PCTP: variants seen among roughly 807,000 people sequenced by gnomAD.
The protein encoded by PCTP is START domain-containing protein 2.
Under a neutral mutation model 31.0 loss-of-function variants are expected in PCTP, and 27 were observed. That is an observed-to-expected ratio of 0.87 (90% CI 0.64 to 1.20). PCTP has a LOEUF of 1.20. Ranked by LOEUF, PCTP falls within the 50% of genes most tolerant of loss-of-function variation. The probability of loss-of-function intolerance (pLI) is 0.00; values close to 1 mark genes in which losing one functional copy is unlikely to be tolerated. For missense variants in PCTP, 287 were observed against 268.2 expected (o/e 1.07, Z -0.49); for synonymous variants, 108 against 101.2 (o/e 1.07, Z -0.40).
the PCTP span, among the ~76,000 whole-genome samples, chr17:55,851,926 C>T: frequency 6.8e-6 from 1 of 147,506 alleles, no homozygotes; most frequent in African/African-American, 2.7e-5. Flanking sequence ...GAGGAGGCTA[C>T]AATCCTGAAG....
intron 5 of PCTP, among the ~76,000 whole-genome samples, chr17:55,837,229 G>A (rs919813639): frequency 6.6e-6 from 1 of 152,206 alleles, no homozygotes; most frequent in Non-Finnish European, 1.5e-5. Context: ...TAGACATAAT[G>A]CTGCAAGCAG....
At chr17:55,821,734 A>T (rs1231122576) in intron 3 of PCTP, among the ~76,000 whole-genome samples, 1 of 152,222 alleles carries the variant, frequency 6.6e-6, no homozygotes, top group Non-Finnish European at 1.5e-5. Flanking sequence ...TAATTACCAT[A>T]CTAGTTAGGA....
At chr17:55,806,283 T>C (rs527998575) in intron 3 of PCTP, among the ~76,000 whole-genome samples, 5 of 152,148 alleles carry the variant, frequency 3.3e-5, no homozygotes, top group African/African-American at 1.2e-4. Context: ...TTTATGACAG[T>C]GGTGTGCTGG....
Position 55,809,546 on chromosome 17 carries a change from G to A in PCTP, c.318-13215G>A, listed in dbSNP as rs567938321. 2.8e-5 allele frequency among the ~76,000 whole-genome samples: 4 copies of A among 144,128 alleles called. No individual in the cohort carries two copies. In the South Asian group the frequency reaches 8.9e-4, roughly 32 times the overall value. 94.6% of individuals were successfully genotyped at this position (144,128 alleles called of 152,430 possible). A position where few individuals can be genotyped will look rare whatever the true frequency, so the allele number is the denominator to read the frequency against. On this transcript the variant is annotated intron_variant, in intron 3 of 3. Coordinates refer to the PCTP transcript ENST00000572536. ...GTCTTTTTTTTTTTTTTTTGGAGAC[G>A]AAGTCTTGCTCTGTCACCCAGGCTG...
intron 3 of PCTP, among the ~76,000 whole-genome samples, chr17:55,803,215 TAAAC>T (rs1299665382): frequency 1.3e-5 from 2 of 151,834 alleles, no homozygotes; most frequent in African/African-American, 2.4e-5. Flanking sequence ...AGAGAGGACA[TAAAC>T]AAATGGAAAA....
At chr17:55,844,526 G>A (rs1044171265), downstream of PCTP, among the ~76,000 whole-genome samples, 15 of 152,256 alleles carry the variant, frequency 9.9e-5, no homozygotes, top group African/African-American at 3.6e-4. Flanking sequence ...GAGGTCAAAT[G>A]CAGGACCTTC....
At position 55,776,811 on chromosome 17, in the gene PCTP, G is replaced by A. The variant is rs1162670589; in HGVS notation, c.*711G>A. 2.9e-6 allele frequency: 3 copies of A among 1,040,030 alleles called. No individual in the cohort carries two copies. Among genetic ancestry groups the A allele is most frequent in the Non-Finnish European group, 3.5e-6 (3 of 866,304 alleles). The allele number at this position is 1,040,030 out of a possible 1,614,324, so 64.4% of individuals were successfully genotyped here. On this transcript the variant is annotated 3_prime_UTR_variant, in exon 6 of 6. Transcript: ENST00000268896. ...CCACATTTTTCCTCATCATCCATGAGGAAATGGATGATTTCTCTTTTCCAT... is the reference window on the plus strand; with the variant it reads ...CCACATTTTTCCTCATCATCCATGAAGAAATGGATGATTTCTCTTTTCCAT...
intron 3 of PCTP, 86 bp downstream of exon 3, chr17:55,771,271 T>A (rs1597985242): frequency 4.8e-6 from 5 of 1,048,096 alleles, no homozygotes; most frequent in Admixed American, 1.8e-5. Flanking sequence ...GAGGTAGAGC[T>A]GGTTTCTCAG....
chr17:55,838,432 C>A (rs1037267481), intron 5 of PCTP, among the ~76,000 whole-genome samples: 1 of 152,212 alleles, frequency 6.6e-6, no homozygotes, highest in Non-Finnish European at 1.5e-5. Context: ...CAGGAAGCCT[C>A]TTCTAACTTC....
intron 3 of PCTP, among the ~76,000 whole-genome samples, chr17:55,799,752 T>A (rs1359054157): frequency 6.6e-6 from 1 of 151,832 alleles, no homozygotes; most frequent in Non-Finnish European, 1.5e-5. Context: ...TCAGGAGCTC[T>A]TGTAAAGCAG....
chr17:55,837,660 C>A (rs977305037), intron 5 of PCTP, among the ~76,000 whole-genome samples: 1 of 152,108 alleles, frequency 6.6e-6, no homozygotes, highest in African/African-American at 2.4e-5. Context: ...AATCCTTTGC[C>A]AAAATTGTCT....
intron 3 of PCTP, among the ~76,000 whole-genome samples, chr17:55,803,392 A>G (rs867950744): frequency 1.3e-5 from 2 of 152,284 alleles, no homozygotes; most frequent in Middle Eastern, 3.4e-3. Context: ...AAAAGAGCCC[A>G]TATAGCCAAG....
downstream of PCTP, among the ~76,000 whole-genome samples, chr17:55,827,211 G>A (rs1905429341): frequency 6.6e-6 from 1 of 152,156 alleles, no homozygotes; most frequent in Non-Finnish European, 1.5e-5. Context: ...CCACTTAGGA[G>A]TCTAGGTCTC....
intron 1 of PCTP, among the ~76,000 whole-genome samples, chr17:55,760,282 T>C (rs1910267912): frequency 6.6e-6 from 1 of 152,212 alleles, no homozygotes; most frequent in Non-Finnish European, 1.5e-5. Flanking sequence ...CAGTTCTGAA[T>C]CCCAGTTCTT....
chr17:55,753,156 G>C (rs1445320797), intron 1 of PCTP, among the ~76,000 whole-genome samples: 1 of 152,202 alleles, frequency 6.6e-6, no homozygotes, highest in Non-Finnish European at 1.5e-5. Context: ...TCTAGCATCT[G>C]GCTTATTTCC....
intron 3 of PCTP, among the ~76,000 whole-genome samples, chr17:55,772,091 A>G (rs1911039562): frequency 6.6e-6 from 1 of 152,230 alleles, no homozygotes; most frequent in Non-Finnish European, 1.5e-5. Flanking sequence ...GATGATATCT[A>G]TCACATGAGC....
chr17:55,837,236 G>A (rs1567735400), intron 5 of PCTP, among the ~76,000 whole-genome samples: 2 of 152,200 alleles, frequency 1.3e-5, no homozygotes, highest in African/African-American at 2.4e-5. Context: ...AATGCTGCAA[G>A]CAGTGGGTGG....
chr17:55,781,548 C>T (rs1034454018), downstream of PCTP, among the ~76,000 whole-genome samples: 5 of 152,186 alleles, frequency 3.3e-5, no homozygotes, highest in South Asian at 2.1e-4. Context: ...TGTCATGCAC[C>T]ACATCATGAT....
At chr17:55,828,323 C>T (rs937903053) in intron 5 of PCTP, among the ~76,000 whole-genome samples, 1 of 152,196 alleles carries the variant, frequency 6.6e-6, no homozygotes, top group African/African-American at 2.4e-5. Context: ...GAGGTGTCAG[C>T]AGGGCTGTAT....
Sources: gnomAD v4.1 joint callset for allele counts (sites outside exome capture counted in the v4.1 genomes callset) on GRCh38, gnomAD v4.1.1 for gene constraint, MANE v1.5 for transcripts, NCBI Gene and HGNC (gene_info 2026-07-23, HGNC 2026-07-21) for gene names.